ZC2HC1B: variants seen among roughly 807,000 people sequenced by gnomAD.
The protein encoded by ZC2HC1B is zinc finger C2HC domain-containing protein 1B.
ZC2HC1B carries 36 observed loss-of-function variants against 31.0 expected under a neutral mutation model. That is an observed-to-expected ratio of 1.16 (90% CI 0.89 to 1.54). The LOEUF is 1.54. ZC2HC1B is among the 40% of genes most tolerant of loss of function. The pLI, the probability that ZC2HC1B is intolerant of heterozygous loss-of-function variation, is 0.00. For synonymous variants in ZC2HC1B, 73 were observed against 88.0 expected (o/e 0.83, Z 0.95); for missense variants, 260 against 268.6 (o/e 0.97, Z 0.22).
At chr6:143,882,331 T>TA (rs1562338499) in intron 1 of ZC2HC1B, among the ~76,000 whole-genome samples, 3 of 96,378 alleles carry the variant, frequency 3.1e-5, no homozygotes, top group African/African-American at 9.9e-5. Context: ...TATTTTATAT[T>TA]TTTTATATAT....
At chr6:143,880,695 A>T (rs1777456595) in intron 1 of ZC2HC1B, among the ~76,000 whole-genome samples, 1 of 152,154 alleles carries the variant, frequency 6.6e-6, no homozygotes, top group South Asian at 2.1e-4. Flanking sequence ...AAGCAGCAAT[A>T]AATGCTATGT....
Position 143,886,094 on chromosome 6 carries a change from G to A in ZC2HC1B, c.153G>A (p.Leu51=). 1 of 1,549,344 alleles carries A rather than the reference G, an allele frequency of 6.5e-7. No homozygotes were observed. Among genetic ancestry groups the A allele is most frequent in the Non-Finnish European group, 8.7e-7 (1 of 1,146,216 alleles). The change falls in exon 3 of 8, where the codon TTG becomes TTA. Residue 51 remains leucine, a synonymous_variant. Transcript: ENST00000237275. The surrounding 1 kb of genome is among the most constrained non-coding windows in gnomAD (Gnocchi z 4.2). ...GAAAGCGTAAACCTTTCAGTTCTTT[G>A]AAGCAAAGATTACAGGGCACTGACA... is the stretch of plus-strand genomic sequence containing the variant. ...FNRKRKPFSS[L]KQRLQGTDIP...
In ZC2HC1B at chr6:143,875,493, T is replaced by G. The variant is rs150307652; in HGVS notation, c.29-8811T>G. On this transcript the variant is annotated intron_variant, in intron 1 of 7. Coordinates refer to ENST00000237275, the MANE Select transcript of ZC2HC1B (RefSeq NM_001013623.3). ...TTTTTAACTCCCTGAGCTGCAACAG[T>G]AAATGCAGAGTCTCTACTAGTGTCC... 4.1e-3 allele frequency among the ~76,000 whole-genome samples: 621 copies of G among 150,770 alleles called. 26 individuals are homozygous for G. The highest frequency in any genetic ancestry group is 6.5e-3 in the Non-Finnish European group (441 of 67,618).
At chr6:143,926,956 G>GCCCGCCACCGCA (rs1415851234) in intron 6 of ZC2HC1B, among the ~76,000 whole-genome samples, 1 of 128,590 alleles carries the variant, frequency 7.8e-6, no homozygotes, top group Admixed American at 7.9e-5. Context: ...GACTACAGGC[G>GCCCGCCACCGCA]CCCGGCTAAT....
chr6:143,873,242 C>T (rs913051643), intron 1 of ZC2HC1B, among the ~76,000 whole-genome samples: 4 of 152,244 alleles, frequency 2.6e-5, no homozygotes, highest in Non-Finnish European at 4.4e-5. Flanking sequence ...TCCTTTGACT[C>T]CATGTCTCAC....
chr6:143,875,912 G>C (rs1252183448), intron 1 of ZC2HC1B, among the ~76,000 whole-genome samples: 1 of 150,524 alleles, frequency 6.6e-6, no homozygotes, highest in Non-Finnish European at 1.5e-5. Flanking sequence ...GGGGGAAGCT[G>C]TTTCTTCTGG....
At position 143,871,166 on chromosome 6, in the gene ZC2HC1B, T is replaced by A. The variant is rs749737828; in HGVS notation, c.28+6599T>A. On this transcript the variant is annotated intron_variant, in intron 1 of 7. Transcript: ENST00000237275. This position sits in a 1 kb window ranked among gnomAD's most constrained non-coding sequence, Gnocchi z 4.1. The stretch of plus-strand genomic sequence containing the variant: ...AGAAGTTCCCTAAATTTTCATCAGA[T>A]TTCCCATCCTCTGGCACGCAAATAT... Among the ~76,000 whole-genome samples, 65 of 152,290 alleles carry A rather than the reference T, an allele frequency of 4.3e-4. No individual in the cohort carries two copies. The highest frequency in any genetic ancestry group is 6.8e-3 in the Middle Eastern group (2 of 294).
intron 1 of ZC2HC1B, among the ~76,000 whole-genome samples, chr6:143,879,086 A>G (rs1474452806): frequency 2.0e-5 from 3 of 152,100 alleles, no homozygotes; most frequent in Non-Finnish European, 2.9e-5. Flanking sequence ...GGTCCTCCAT[A>G]TTTTGACAGT....
rs145187388 is a variant in ZC2HC1B at position 143,915,728 on chromosome 6, G to A, written c.598+12576G>A. ...TTAGCAAAGAGACTGGTGGCATTTTGCCCCTGCCATAGAGATGTGTGGAAC... is the reference window on the plus strand; with the variant it reads ...TTAGCAAAGAGACTGGTGGCATTTTACCCCTGCCATAGAGATGTGTGGAAC... On this transcript the variant is annotated intron_variant, in intron 6 of 7. Transcript: ENST00000237275. This position sits in a 1 kb window ranked among gnomAD's most constrained non-coding sequence, Gnocchi z 5.2. Among the ~76,000 whole-genome samples, 206 of 152,314 alleles carry A rather than the reference G, an allele frequency of 1.4e-3. 2 individuals are homozygous for A. In the East Asian group the frequency reaches 0.021, roughly 15 times the overall value.
rs181798877 is a variant in ZC2HC1B at position 143,867,918 on chromosome 6, C to T, written c.28+3351C>T. On this transcript the variant is annotated intron_variant, in intron 1 of 7. Transcript: ENST00000237275. Reference sequence around the variant, plus strand: ...TCATTCACATGCTTGTGGATCACGTCCTCCAGTAATTCATGAAATGGGGTA... The same window carrying T: ...TCATTCACATGCTTGTGGATCACGTTCTCCAGTAATTCATGAAATGGGGTA... Among the ~76,000 whole-genome samples, 5 of 152,290 alleles carry T rather than the reference C, an allele frequency of 3.3e-5. No individual in the cohort carries two copies. The East Asian group carries it at 9.6e-4, about 29-fold the overall frequency.
intron 1 of ZC2HC1B, among the ~76,000 whole-genome samples, chr6:143,876,545 C>T (rs1037056943): frequency 4.0e-5 from 6 of 150,684 alleles, no homozygotes; most frequent in Admixed American, 3.3e-4. Flanking sequence ...TCTTAATATT[C>T]TGTTCTTCTA....
Position 143,868,405 on chromosome 6 carries a change from G to A in ZC2HC1B, c.28+3838G>A, listed in dbSNP as rs1224633128. On this transcript the variant is annotated intron_variant, in intron 1 of 7. Coordinates refer to ENST00000237275, the MANE Select transcript of ZC2HC1B (RefSeq NM_001013623.3). The surrounding 1 kb of genome is among the most constrained non-coding windows in gnomAD (Gnocchi z 4.2). ...CTTGGAGTTCAATGTTTGAGGGCAG[G>A]AAGCATCCAGCACAGGAGAAAGATG... is the stretch of plus-strand genomic sequence containing the variant. 6.6e-6 allele frequency among the ~76,000 whole-genome samples: 1 copy of A among 152,180 alleles called. No homozygotes were observed. The highest frequency in any genetic ancestry group is 1.5e-5 in the Non-Finnish European group (1 of 68,040).
At position 143,895,754 on chromosome 6, in the gene ZC2HC1B, A is replaced by G. The variant is rs1438401399; in HGVS notation, c.350-2798A>G. Among the ~76,000 whole-genome samples the G allele has an allele frequency of 1.3e-5, 2 of 152,174 alleles. No homozygotes were observed. The highest frequency in any genetic ancestry group is 2.9e-5 in the Non-Finnish European group (2 of 68,026). On this transcript the variant is annotated intron_variant, in intron 4 of 7. Transcript: ENST00000237275. This position sits in a 1 kb window ranked among gnomAD's most constrained non-coding sequence, Gnocchi z 4.8. ...TACCATTTTGCATAGCTACATAGAC[A>G]CGGATACACAGCACAATATTGGCAT...
rs1428157098 is a variant in ZC2HC1B, at chr6:143,923,973, T to G, written c.599-13676T>G. 6.6e-6 allele frequency among the ~76,000 whole-genome samples: 1 copy of G among 151,846 alleles called. No homozygotes were observed. The highest frequency in any genetic ancestry group is 2.4e-5 in the African/African-American group (1 of 41,320). ...TACAAATTTTAGGATTTTTTTGTAT[T>G]TATATAAAGAATGTCATTGGTGTTT... On this transcript the variant is annotated intron_variant, in intron 6 of 7. Coordinates refer to ENST00000237275, the MANE Select transcript of ZC2HC1B (RefSeq NM_001013623.3). The surrounding 1 kb of genome is among the most constrained non-coding windows in gnomAD (Gnocchi z 4.8).
intron 5 of ZC2HC1B, among the ~76,000 whole-genome samples, chr6:143,901,702 C>G (rs532568212): frequency 6.6e-6 from 1 of 152,104 alleles, no homozygotes; most frequent in Non-Finnish European, 1.5e-5. Context: ...GTGAAGGGCC[C>G]GGTTCAGTGT....
chr6:143,926,156 C>T (rs529146431), intron 6 of ZC2HC1B, among the ~76,000 whole-genome samples: 15 of 151,900 alleles, frequency 9.9e-5, no homozygotes, highest in East Asian at 3.9e-4. Context: ...TCTTTCCTTC[C>T]GCTAATTTTG....
Position 143,889,568 on chromosome 6 carries a change from GTAT to G in ZC2HC1B, c.349+2750_349+2752del, listed in dbSNP as rs758187895. 2.6e-5 allele frequency among the ~76,000 whole-genome samples: 4 copies of G among 152,246 alleles called. No homozygotes were observed. In the East Asian group the frequency reaches 7.7e-4, roughly 29 times the overall value. Reference sequence around the variant, plus strand: ...TAGCACAAAGTTAACTGCAGGGCAAGTATTAACAGATGATGATTCAAATGATAA... The same window carrying G: ...TAGCACAAAGTTAACTGCAGGGCAAGTAACAGATGATGATTCAAATGATAA... On this transcript the variant is annotated intron_variant, in intron 4 of 7. Coordinates refer to ENST00000237275, the MANE Select transcript of ZC2HC1B (RefSeq NM_001013623.3).
At chr6:143,877,025 TAA>T (rs1378308461) in intron 1 of ZC2HC1B, among the ~76,000 whole-genome samples, 11 of 150,362 alleles carry the variant, frequency 7.3e-5, no homozygotes, top group African/African-American at 2.5e-4. Flanking sequence ...CACTCAATAT[TAA>T]CCACCACAGG....
rs1369883975 is a variant in ZC2HC1B at position 143,869,293 on chromosome 6, A to T, written c.28+4726A>T. Among the ~76,000 whole-genome samples the T allele has an allele frequency of 6.6e-6, 1 of 152,216 alleles. No individual in the cohort carries two copies. The highest frequency in any genetic ancestry group is 2.4e-5 in the African/African-American group (1 of 41,450). On this transcript the variant is annotated intron_variant, in intron 1 of 7. Transcript: ENST00000237275. The surrounding 1 kb of genome is among the most constrained non-coding windows in gnomAD (Gnocchi z 5.2). ...CCTCTGTTGTGGAGTAGTAGAGCAT[A>T]CACGATCTTCTGGAGAACTTTACCC...
Sources: allele counts gnomAD v4.1 joint callset (sites outside exome capture counted in the v4.1 genomes callset), GRCh38; gene constraint gnomAD v4.1.1; non-coding constraint Gnocchi (gnomAD v3.1); transcripts MANE v1.5; gene names NCBI Gene and HGNC (gene_info 2026-07-23, HGNC 2026-07-21).